The following MIDEAS variants were observed in gnomAD, a reference collection of about 807,000 sequenced individuals.
MIDEAS encodes mitotic deacetylase-associated SANT domain protein.
Under a neutral mutation model 102.7 loss-of-function variants are expected in MIDEAS, and 26 were observed. The observed-to-expected ratio is 0.25, with a 90% CI of 0.19 to 0.35. The LOEUF (loss-of-function observed/expected upper bound fraction) is 0.35. MIDEAS is among the 10% of genes least tolerant of loss of function. The pLI is 1.00. For missense variants in MIDEAS, 1,231 were observed against 1,435.6 expected (o/e 0.86, Z 2.30); for synonymous variants, 585 against 591.0 (o/e 0.99, Z 0.15).
At chr14:73,757,284 A>AAAAAAAAAAAAAAAAAAAC (rs1315087331) in intron 1 of MIDEAS, among the ~76,000 whole-genome samples, 1 of 149,770 alleles carries the variant, frequency 6.7e-6, no homozygotes, top group Non-Finnish European at 1.5e-5. Flanking sequence ...ACAACCAAAA[A>AAAAAAAAAAAAAAAAAAAC]AAAAAAAAAA....
Position 73,726,013 on chromosome 14 carries a change from C to T in MIDEAS, c.2485+20G>A, listed in dbSNP as rs761345376. The T allele has an allele frequency of 8.9e-6, 14 of 1,573,152 alleles. No homozygotes were observed. The African/African-American group carries it at 1.5e-4, about 17-fold the overall frequency. ...ACCTCTTGAGGCTCCAGGCACCATG[C>T]CCACCGCAGCCAGGCCCACCTGTGT... On this transcript the variant is annotated intron_variant, in intron 8 of 12. Transcript: ENST00000423556.
upstream of MIDEAS, among the ~76,000 whole-genome samples, chr14:73,763,476 G>T (rs911020823): frequency 6.6e-6 from 1 of 152,198 alleles, no homozygotes; most frequent in Admixed American, 6.5e-5. Flanking sequence ...TAAGTCTGCA[G>T]CCATCATCAC....
At chr14:73,719,097 C>A in intron 12 of MIDEAS, 89 bp from the exon 13 acceptor site, 5 of 1,451,408 alleles carry the variant, frequency 3.4e-6, no homozygotes, top group Non-Finnish European at 4.5e-6. Flanking sequence ...CCTTCACCTT[C>A]ACCCCCACGC....
chr14:73,719,058 C>T, intron 12 of MIDEAS, 50 bp from the exon 13 acceptor site: 1 of 1,448,496 alleles, frequency 6.9e-7, no homozygotes. Flanking sequence ...ACCCGGGGGC[C>T]CCCAGCGCGG....
At chr14:73,748,539 A>G (rs1158320118) in intron 1 of MIDEAS, among the ~76,000 whole-genome samples, 1 of 151,866 alleles carries the variant, frequency 6.6e-6, no homozygotes, top group Non-Finnish European at 1.5e-5. Context: ...CCAAAAAAGA[A>G]AAAAGAAAGC....
chr14:73,762,034 C>T (rs2053559171), upstream of MIDEAS, among the ~76,000 whole-genome samples: 1 of 152,218 alleles, frequency 6.6e-6, no homozygotes, highest in Admixed American at 6.5e-5. Flanking sequence ...TTCCCTCCCA[C>T]TGACAACACA....
chr14:73,762,760 C>G (rs953587213), upstream of MIDEAS, among the ~76,000 whole-genome samples: 1 of 152,150 alleles, frequency 6.6e-6, no homozygotes, highest in South Asian at 2.1e-4. Flanking sequence ...GGGAGGTGTT[C>G]CAGAGACCTT....
intron 1 of MIDEAS, among the ~76,000 whole-genome samples, chr14:73,753,525 A>G (rs918739518): frequency 1.3e-5 from 2 of 152,220 alleles, no homozygotes; most frequent in African/African-American, 4.8e-5. Flanking sequence ...GAGGTAATAC[A>G]TAGATGAAGC....
rs150752505 is a variant in MIDEAS, at chr14:73,770,449, G to A, written c.-248+16653C>T. ...ATTTCCTCATCATAAACATACCAGA[G>A]GGCAGGTAGGCCCAGGCCCCTGGCT... On this transcript the variant is annotated intron_variant, in intron 1 of 11. Coordinates refer to the MIDEAS transcript ENST00000394071. 6.8e-3 allele frequency among the ~76,000 whole-genome samples: 1,036 copies of A among 152,222 alleles called. 14 individuals carry two copies. Among genetic ancestry groups the A allele is most frequent in the African/African-American group, 0.024 (988 of 41,514 alleles).
intron 11 of MIDEAS, among the ~76,000 whole-genome samples, chr14:73,720,633 A>G (rs1466943179): frequency 6.6e-6 from 1 of 152,102 alleles, no homozygotes; most frequent in African/African-American, 2.4e-5. Flanking sequence ...TTTCTGGGAG[A>G]ACTCTCCCTG....
At chr14:73,737,409 A>T in intron 2 of MIDEAS, 112 bp from the exon 3 acceptor site, 1 of 1,231,688 alleles carries the variant, frequency 8.1e-7, no homozygotes, top group Non-Finnish European at 1.1e-6. Flanking sequence ...GGATCACTTG[A>T]CGCCACAAGT....
chr14:73,773,920 G>A (rs1327992429), intron 1 of MIDEAS, among the ~76,000 whole-genome samples: 2 of 151,412 alleles, frequency 1.3e-5, no homozygotes, highest in East Asian at 2.0e-4. Flanking sequence ...TACTTAGGAG[G>A]CTGAAGCAGG....
At chr14:73,729,375 G>A (rs1166439698) in intron 4 of MIDEAS, among the ~76,000 whole-genome samples, 1 of 152,196 alleles carries the variant, frequency 6.6e-6, no homozygotes, top group African/African-American at 2.4e-5. Flanking sequence ...TGAAAAAACT[G>A]AGGCCCAGGG....
At chr14:73,765,715 T>C (rs1174473787) in intron 1 of MIDEAS, among the ~76,000 whole-genome samples, 2 of 152,160 alleles carry the variant, frequency 1.3e-5, no homozygotes, top group African/African-American at 2.4e-5. Context: ...TCTTCACACA[T>C]GCTCCTTCTC....
chr14:73,753,977 G>A (rs182773131), intron 1 of MIDEAS, among the ~76,000 whole-genome samples: 33 of 152,298 alleles, frequency 2.2e-4, no homozygotes, highest in Admixed American at 1.7e-3. Flanking sequence ...GGGAAGGTGC[G>A]ATGGCCAGAG....
At chr14:73,719,870 G>A (rs532448230) in intron 11 of MIDEAS, among the ~76,000 whole-genome samples, 1 of 145,968 alleles carries the variant, frequency 6.9e-6, no homozygotes, top group Non-Finnish European at 1.5e-5. Context: ...CCCCTGTGAT[G>A]GGCCAGATGC....
chr14:73,789,089 G>T (rs1173205173), upstream of MIDEAS: 1 of 152,062 alleles, frequency 6.6e-6, no homozygotes, highest in African/African-American at 2.4e-5. Context: ...TCTAAGATGC[G>T]CCCCCTGCCA....
At position 73,715,162 on chromosome 14, in the gene MIDEAS, CAGA is replaced by C. The variant is rs775019757; in HGVS notation, c.*3678_*3680del. On this transcript the variant is annotated 3_prime_UTR_variant, in exon 13 of 13. Coordinates refer to ENST00000423556, the MANE Select transcript of MIDEAS (RefSeq NM_001367710.1). ...TTATTTAATAAAAGGTTTAAAGATA[CAGA>C]AGAACATTCAAAAGTAAATAAGTTA... 2.6e-5 allele frequency: 4 copies of C among 152,540 alleles called. No homozygotes were observed. The highest frequency in any genetic ancestry group is 5.9e-5 in the Non-Finnish European group (4 of 68,014). The allele number at this position is 152,540 out of a possible 1,614,324, so 9.4% of individuals were successfully genotyped here. A position where few individuals can be genotyped will look rare whatever the true frequency, so the allele number is the denominator to read the frequency against.
chr14:73,785,254 T>A (rs540764921), intron 1 of MIDEAS, among the ~76,000 whole-genome samples: 1 of 152,356 alleles, frequency 6.6e-6, no homozygotes, highest in Non-Finnish European at 1.5e-5. Flanking sequence ...AATCTCTCTA[T>A]ACAATTATAC....
Sources: allele counts gnomAD v4.1 joint callset (sites outside exome capture counted in the v4.1 genomes callset), GRCh38; gene constraint gnomAD v4.1.1; transcripts MANE v1.5; gene names NCBI Gene and HGNC (gene_info 2026-07-23, HGNC 2026-07-21).